Variants in TAF12 observed in about 807,000 individuals in gnomAD.
The protein encoded by TAF12 is TATA-box binding protein associated factor 12, also known as transcription initiation factor TFIID subunit 12.
TAF12 carries 3 observed loss-of-function variants against 20.8 expected under a neutral mutation model. The observed-to-expected ratio is 0.14, with a 90% CI of 0.07 to 0.37. The LOEUF (loss-of-function observed/expected upper bound fraction) is 0.37, where lower values mean the gene tolerates loss of function less well. TAF12 is among the 10% of genes least tolerant of loss of function. TAF12 has a pLI of 1.00. For synonymous variants in TAF12, 69 were observed against 70.2 expected, an observed-to-expected ratio of 0.98 and a Z score of 0.09; for missense variants, 131 against 197.9, an observed-to-expected ratio of 0.66 and a Z score of 2.03.
Position 28,603,527 on chromosome 1 carries a change from C to T in TAF12, c.*12G>A. On this transcript the variant is annotated 3_prime_UTR_variant, in exon 6 of 6. Coordinates refer to ENST00000373824, the MANE Select transcript of TAF12 (RefSeq NM_005644.4). ...AAATACATTGCTGTCCATTCCCTGA[C>T]CTTTCCGTGTGTTATTTCTTGGTTG... The T allele has an allele frequency of 6.2e-7, 1 of 1,613,766 alleles. No homozygotes were observed. The highest frequency in any genetic ancestry group is 1.1e-5 in the South Asian group (1 of 91,084).
intron 1 of TAF12, among the ~76,000 whole-genome samples, chr1:28,630,697 T>C (rs371708180): frequency 2.0e-5 from 3 of 151,996 alleles, no homozygotes; most frequent in South Asian, 4.1e-4. Context: ...AAGAAAAGAA[T>C]TGATAAAGTG....
intron 1 of TAF12, among the ~76,000 whole-genome samples, chr1:28,637,290 AGC>A (rs1272259845): frequency 2.0e-5 from 3 of 151,756 alleles, no homozygotes; most frequent in Non-Finnish European, 4.4e-5. Flanking sequence ...CCCAGGCTCG[AGC>A]GCAGTGGCAC....
At chr1:28,635,774 G>T (rs866296428) in intron 1 of TAF12, among the ~76,000 whole-genome samples, 1 of 151,016 alleles carries the variant, frequency 6.6e-6, no homozygotes, top group African/African-American at 2.4e-5. Flanking sequence ...GGCAATAGTT[G>T]TAAGACCCTG....
intron 1 of TAF12, among the ~76,000 whole-genome samples, chr1:28,626,018 T>C (rs545871650): frequency 6.6e-6 from 1 of 151,466 alleles, no homozygotes; most frequent in African/African-American, 2.4e-5. Flanking sequence ...TCTCACTGTG[T>C]CCCCCAGGCT....
intron 4 of TAF12, among the ~76,000 whole-genome samples, chr1:28,606,552 T>C (rs186776691): frequency 2.6e-5 from 4 of 152,306 alleles, no homozygotes; most frequent in African/African-American, 9.6e-5. Flanking sequence ...TCAGTCACCA[T>C]GCCTGGCTTC....
In TAF12 at chr1:28,605,122, T is replaced by G. The variant is rs149559200; in HGVS notation, c.450+250A>C. 3.5e-3 allele frequency among the ~76,000 whole-genome samples: 527 copies of G among 152,178 alleles called. 2 individuals carry two copies. The highest frequency in any genetic ancestry group is 0.014 in the Middle Eastern group (4 of 294). ...TTAGAAGAACCCAGAATCAACAGCT[T>G]TAAGTGACACTCAACAGAGTTACGA... On this transcript the variant is annotated intron_variant, in intron 5 of 5. Coordinates refer to ENST00000373824, the MANE Select transcript of TAF12 (RefSeq NM_005644.4).
intron 1 of TAF12, among the ~76,000 whole-genome samples, chr1:28,623,181 A>G (rs545285249): frequency 6.6e-6 from 1 of 152,264 alleles, no homozygotes; most frequent in Admixed American, 6.5e-5. Context: ...ACTGCATTCC[A>G]GCCTAGGTGA....
intron 4 of TAF12, among the ~76,000 whole-genome samples, chr1:28,607,048 C>T (rs930972150): frequency 1.3e-5 from 2 of 152,200 alleles, no homozygotes; most frequent in Non-Finnish European, 2.9e-5. Flanking sequence ...AAGAAGTTCC[C>T]AGAGGACAGG....
chr1:28,621,201 G>A lies in TAF12; in HGVS notation c.168+713C>T, dbSNP rs556890236. ...GGTTGATATCCTGACTGCCCAACCCGCTCTCATTAATCTTTGCAAGTCCCT... is the reference window on the plus strand; with the variant it reads ...GGTTGATATCCTGACTGCCCAACCCACTCTCATTAATCTTTGCAAGTCCCT... On this transcript the variant is annotated intron_variant, in intron 2 of 5. Coordinates refer to ENST00000373824, the MANE Select transcript of TAF12 (RefSeq NM_005644.4). Among the ~76,000 whole-genome samples the A allele has an allele frequency of 2.7e-4, 41 of 152,110 alleles. 1 individual carries two copies. The highest frequency in any genetic ancestry group is 4.6e-4 in the Non-Finnish European group (31 of 68,010).
chr1:28,603,260 A>C lies in TAF12; in HGVS notation c.*279T>G. The C allele has an allele frequency of 2.2e-6, 1 of 455,958 alleles. No individual in the cohort carries two copies. Among genetic ancestry groups the C allele is most frequent in the Admixed American group, 3.6e-5 (1 of 28,000 alleles). 28.2% of individuals were successfully genotyped at this position (455,958 alleles called of 1,614,324 possible). On this transcript the variant is annotated 3_prime_UTR_variant, in exon 6 of 6. Transcript: ENST00000373824. ...CAAAAAGACCATAATGCTTTGTCCC[A>C]TATTCAGTCACTTATATAATAAACC...
At chr1:28,615,718 T>G (rs1032747447) in intron 3 of TAF12, among the ~76,000 whole-genome samples, 5 of 90,852 alleles carry the variant, frequency 5.5e-5, no homozygotes, top group African/African-American at 2.1e-4. Context: ...AAAAAGAAGC[T>G]AAGGGATAAA....
At chr1:28,605,319 C>T (rs539937782) in intron 5 of TAF12, 53 bp downstream of exon 5, 136 of 1,586,930 alleles carry the variant, frequency 8.6e-5, no homozygotes, top group South Asian at 6.7e-4. Flanking sequence ...CACTCTGAGA[C>T]GTAACTCAAG....
chr1:28,621,096 C>G (rs1667207824), intron 2 of TAF12, among the ~76,000 whole-genome samples: 1 of 152,060 alleles, frequency 6.6e-6, no homozygotes, highest in African/African-American at 2.4e-5. Flanking sequence ...TGGAAATTGA[C>G]TAGTACAGGT....
At chr1:28,616,531 G>A (rs941955335) in intron 3 of TAF12, among the ~76,000 whole-genome samples, 1 of 151,772 alleles carries the variant, frequency 6.6e-6, no homozygotes, top group Non-Finnish European at 1.5e-5. Flanking sequence ...TCAGGAGTCC[G>A]AGACCAGCCT....
At chr1:28,627,430 A>G (rs776755701) in intron 1 of TAF12, among the ~76,000 whole-genome samples, 50 of 150,806 alleles carry the variant, frequency 3.3e-4, no homozygotes, top group Non-Finnish European at 6.1e-4. Context: ...GCGGTGGCTC[A>G]CGCTTGTAAT....
chr1:28,642,598 C>A (rs1175383308), intron 1 of TAF12: 2 of 978,476 alleles, frequency 2.0e-6, no homozygotes, highest in East Asian at 2.3e-4. Context: ...GAGCCCGGGT[C>A]TTCACTGTCC....
In TAF12 at chr1:28,603,808, C is replaced by A. The variant is rs191960888; in HGVS notation, c.451-234G>T. ...ATTTCATCCACCAAACTGCTCTAGG[C>A]TAGCAGAATGGCAAAAAAGTTAAAA... On this transcript the variant is annotated intron_variant, in intron 5 of 5. Coordinates refer to ENST00000373824, the MANE Select transcript of TAF12 (RefSeq NM_005644.4). Among the ~76,000 whole-genome samples the A allele has an allele frequency of 2.1e-4, 32 of 152,282 alleles. No individual in the cohort carries two copies. The East Asian group carries it at 3.5e-3, about 17-fold the overall frequency.
chr1:28,610,985 A>T lies in TAF12; in HGVS notation c.361+2262T>A, dbSNP rs1321961807. ...AAAAAAAAAAAAAAAAAAAAAAAAC[A>T]CAGGTGGAGTCTGTGTTCCCTCCCC... is the stretch of plus-strand genomic sequence containing the variant. On this transcript the variant is annotated intron_variant, in intron 4 of 5. Transcript: ENST00000373824. Among the ~76,000 whole-genome samples, 6 of 89,554 alleles carry T rather than the reference A, an allele frequency of 6.7e-5. No homozygotes were observed. The South Asian group carries it at 1.6e-3, about 24-fold the overall frequency. 58.8% of individuals were successfully genotyped at this position (89,554 alleles called of 152,430 possible).
intron 1 of TAF12, among the ~76,000 whole-genome samples, chr1:28,623,348 C>G (rs1286380262): frequency 1.3e-5 from 2 of 151,864 alleles, no homozygotes; most frequent in Non-Finnish European, 2.9e-5. Flanking sequence ...ATGGAGAAAC[C>G]CCAACTCTAC....
Sources: allele counts gnomAD v4.1 joint callset (sites outside exome capture counted in the v4.1 genomes callset), GRCh38; gene constraint gnomAD v4.1.1; transcripts MANE v1.5; gene names NCBI Gene and HGNC (gene_info 2026-07-23, HGNC 2026-07-21).